The following RABGAP1L variants were observed in gnomAD, a reference collection of about 807,000 sequenced individuals.
The protein encoded by RABGAP1L is rab GTPase-activating protein 1-like.
Under a neutral mutation model 137.7 loss-of-function variants are expected in RABGAP1L, and 63 were observed. That is an observed-to-expected ratio of 0.46 (90% confidence interval 0.37 to 0.56). The LOEUF (loss-of-function observed/expected upper bound fraction) is 0.56. Ranked by LOEUF, RABGAP1L falls within the 20% of genes least tolerant of loss-of-function variation. The pLI, the probability that RABGAP1L is intolerant of heterozygous loss-of-function variation, is 0.00. For synonymous variants in RABGAP1L, 431 were observed against 433.7 expected (o/e 0.99, Z 0.08); for missense variants, 1,095 against 1,244.0 (o/e 0.88, Z 1.80).
intron 13 of RABGAP1L, among the ~76,000 whole-genome samples, chr1:174,500,798 T>C (rs943900603): frequency 3.9e-5 from 6 of 152,176 alleles, no homozygotes; most frequent in Admixed American, 1.3e-4. Context: ...GGAGGCATGG[T>C]ATCCCTGAGT....
At chr1:174,799,916 A>T in intron 18 of RABGAP1L, 1 of 987,810 alleles carries the variant, frequency 1.0e-6, no homozygotes, top group Non-Finnish European at 1.2e-6. Flanking sequence ...AGACACGCAC[A>T]CACACCCTTT....
intron 11 of RABGAP1L, among the ~76,000 whole-genome samples, chr1:174,306,725 G>T (rs968073239): frequency 6.6e-6 from 1 of 151,770 alleles, no homozygotes; most frequent in Non-Finnish European, 1.5e-5. Flanking sequence ...TGGGGTATCT[G>T]CTCTATTTAC....
intron 18 of RABGAP1L, among the ~76,000 whole-genome samples, chr1:174,808,011 C>T (rs1038818794): frequency 6.8e-5 from 10 of 146,676 alleles, no homozygotes; most frequent in African/African-American, 2.6e-4. Flanking sequence ...TGGAGTCTCA[C>T]TGTATTGCCC....
At chr1:174,167,663 G>A (rs1488918488) in intron 1 of RABGAP1L, among the ~76,000 whole-genome samples, 2 of 152,066 alleles carry the variant, frequency 1.3e-5, no homozygotes, top group Non-Finnish European at 2.9e-5. Context: ...ACATACACCC[G>A]TTTACCATTC....
intron 1 of RABGAP1L, among the ~76,000 whole-genome samples, chr1:174,198,696 G>A (rs928921108): frequency 2.6e-5 from 4 of 152,222 alleles, no homozygotes; most frequent in Non-Finnish European, 5.9e-5. Context: ...TTGAGGTAAA[G>A]TAATATTTAA....
At chr1:174,631,773 G>C (rs1162836265) in intron 13 of RABGAP1L, among the ~76,000 whole-genome samples, 1 of 148,496 alleles carries the variant, frequency 6.7e-6, no homozygotes, top group Non-Finnish European at 1.5e-5. Context: ...CTTTTATTTT[G>C]AGCCTATGTA....
intron 10 of RABGAP1L, among the ~76,000 whole-genome samples, chr1:174,299,649 T>C (rs180718789): frequency 8.5e-5 from 13 of 152,332 alleles, no homozygotes; most frequent in Admixed American, 7.8e-4. Context: ...CCATAAATAG[T>C]TCAAAATAAG....
At chr1:174,692,931 A>G (rs1362279493) in intron 15 of RABGAP1L, among the ~76,000 whole-genome samples, 1 of 152,174 alleles carries the variant, frequency 6.6e-6, no homozygotes. Context: ...TGCCTGCTCA[A>G]AATCACCCAG....
At chr1:174,697,972 C>G (rs1557994596) in intron 15 of RABGAP1L, among the ~76,000 whole-genome samples, 1 of 152,142 alleles carries the variant, frequency 6.6e-6, no homozygotes, top group Non-Finnish European at 1.5e-5. Context: ...TGTTATTTAA[C>G]AAATTTGGGT....
At chr1:174,556,682 T>C (rs946865631) in intron 13 of RABGAP1L, among the ~76,000 whole-genome samples, 7 of 152,224 alleles carry the variant, frequency 4.6e-5, no homozygotes, top group African/African-American at 1.2e-4. Flanking sequence ...GGAAGTTCTT[T>C]AGTGAGGGCT....
intron 13 of RABGAP1L, among the ~76,000 whole-genome samples, chr1:174,609,871 CCAAA>C (rs1306759314): frequency 6.6e-6 from 1 of 151,860 alleles, no homozygotes; most frequent in Admixed American, 6.6e-5. Context: ...TGAGCAAACC[CCAAA>C]CAGTTTTTTA....
chr1:174,762,321 G>T (rs1016403647), intron 18 of RABGAP1L, among the ~76,000 whole-genome samples: 2 of 152,076 alleles, frequency 1.3e-5, no homozygotes, highest in African/African-American at 4.8e-5. Context: ...AAGCCATAAT[G>T]AACTTCTTTC....
intron 13 of RABGAP1L, among the ~76,000 whole-genome samples, chr1:174,582,743 A>G (rs892423461): frequency 6.6e-6 from 1 of 152,154 alleles, no homozygotes; most frequent in African/African-American, 2.4e-5. Context: ...TCAAAGGAGG[A>G]TTTCTTTAAA....
At chr1:174,441,782 G>A (rs1325879229) in intron 13 of RABGAP1L, among the ~76,000 whole-genome samples, 5 of 149,918 alleles carry the variant, frequency 3.3e-5, no homozygotes, top group Non-Finnish European at 5.9e-5. Context: ...AAAAAATGAA[G>A]TAGCTAGTAC....
intron 9 of RABGAP1L, 44 bp downstream of exon 9, chr1:174,275,979 A>G (rs1266404337): frequency 2.0e-6 from 3 of 1,498,292 alleles, no homozygotes; most frequent in Non-Finnish European, 2.8e-6. Flanking sequence ...TTTACATTTT[A>G]TATTATGAAC....
At chr1:174,394,666 G>A (rs1010591594) in intron 13 of RABGAP1L, among the ~76,000 whole-genome samples, 2 of 152,074 alleles carry the variant, frequency 1.3e-5, no homozygotes, top group Non-Finnish European at 1.5e-5. Flanking sequence ...AAAGGTAGGT[G>A]TTGGCCTTGA....
intron 13 of RABGAP1L, among the ~76,000 whole-genome samples, chr1:174,542,166 T>C (rs1558323706): frequency 6.6e-6 from 1 of 152,216 alleles, no homozygotes; most frequent in South Asian, 2.1e-4. Context: ...TCAGAAGGAA[T>C]GGTACCAGTT....
intron 7 of RABGAP1L, among the ~76,000 whole-genome samples, chr1:174,254,464 T>G (rs1672954453): frequency 6.6e-6 from 1 of 152,084 alleles, no homozygotes; most frequent in African/African-American, 2.4e-5. Context: ...CATTACCTAT[T>G]TGTCCTAATG....
chr1:174,448,423 CTCCACAGGTG>C lies in RABGAP1L; in HGVS notation c.1710+54284_1710+54293del. On this transcript the variant is annotated intron_variant, in intron 13 of 25. Transcript: ENST00000681986. The surrounding 1 kb of genome is among the most constrained non-coding windows in gnomAD (Gnocchi z 4.2). ...TTCCTACTCTGTCACTTCTCCACTACTCCACAGGTGTCCACGAGTCATTGACTTGCCAGGT... is the reference window on the plus strand; with the variant it reads ...TTCCTACTCTGTCACTTCTCCACTACTCCACGAGTCATTGACTTGCCAGGT... The C allele has an allele frequency of 6.2e-7, 1 of 1,612,934 alleles. No individual in the cohort carries two copies.
Sources: gnomAD v4.1 joint callset for allele counts (sites outside exome capture counted in the v4.1 genomes callset) on GRCh38, gnomAD v4.1.1 for gene constraint, Gnocchi (gnomAD v3.1) non-coding constraint, MANE v1.5 for transcripts, NCBI Gene and HGNC (gene_info 2026-07-23, HGNC 2026-07-21) for gene names.